HEMK2: variants seen among roughly 807,000 people sequenced by gnomAD.
HEMK2 encodes methyltransferase HEMK2.
chr21:28,658,901 C>T, the HEMK2 span, among the ~76,000 whole-genome samples: 6 of 152,046 alleles, frequency 3.9e-5, no homozygotes, highest in South Asian at 2.1e-4. Flanking sequence ...CGTCTGATCT[C>T]GATTCTGCCC....
the HEMK2 span, among the ~76,000 whole-genome samples, chr21:28,850,280 A>T: frequency 1.5e-5 from 2 of 130,888 alleles, no homozygotes; most frequent in African/African-American, 6.0e-5. Flanking sequence ...GCTGGAGTGC[A>T]GTGGCGCAAT....
the HEMK2 span, among the ~76,000 whole-genome samples, chr21:28,825,971 G>A: frequency 2.6e-5 from 4 of 152,240 alleles, no homozygotes; most frequent in East Asian, 1.9e-4. Flanking sequence ...GCTGGAAAAC[G>A]AGGCAGAGAG....
chr21:28,885,228 C>A, the HEMK2 span: 1 of 1,583,328 alleles, frequency 6.3e-7, no homozygotes, highest in Non-Finnish European at 8.6e-7. Context: ...AGTTCGGCAG[C>A]CGCTGCCTCC....
the HEMK2 span, among the ~76,000 whole-genome samples, chr21:28,709,144 T>C: frequency 6.9e-3 from 1,044 of 152,276 alleles, 33 homozygotes; most frequent in Admixed American, 0.052. Flanking sequence ...CCTAGTGACC[T>C]AATCGCCACC....
the HEMK2 span, among the ~76,000 whole-genome samples, chr21:28,833,215 CCA>C: frequency 6.6e-6 from 1 of 152,188 alleles, no homozygotes; most frequent in Non-Finnish European, 1.5e-5. Context: ...AGAAACAAAG[CCA>C]CTTATAGTTT....
the HEMK2 span, among the ~76,000 whole-genome samples, chr21:28,600,566 G>A: frequency 6.6e-6 from 1 of 152,164 alleles, no homozygotes. Context: ...GACATGCCCT[G>A]GAGACATTTC....
the HEMK2 span, among the ~76,000 whole-genome samples, chr21:28,771,649 C>A: frequency 6.6e-5 from 10 of 151,948 alleles, no homozygotes; most frequent in Admixed American, 6.6e-4. Context: ...GATTTTAATT[C>A]TCTGTGTCCA....
chr21:28,622,262 C>A, the HEMK2 span, among the ~76,000 whole-genome samples: 2 of 152,178 alleles, frequency 1.3e-5, no homozygotes, highest in African/African-American at 2.4e-5. Flanking sequence ...CCTAGGAATA[C>A]AACTTACAAC....
At chr21:28,614,490 A>G in the HEMK2 span, among the ~76,000 whole-genome samples, 2 of 152,194 alleles carry the variant, frequency 1.3e-5, no homozygotes. Context: ...AAAGCTTTCC[A>G]GAAGTTTTCA....
the HEMK2 span, among the ~76,000 whole-genome samples, chr21:28,579,761 T>C: frequency 6.6e-6 from 1 of 152,224 alleles, no homozygotes; most frequent in African/African-American, 2.4e-5. Context: ...CTGGATCCAA[T>C]TCCTTGCTCA....
the HEMK2 span, among the ~76,000 whole-genome samples, chr21:28,838,574 C>A: frequency 4.0e-4 from 60 of 151,030 alleles, no homozygotes; most frequent in African/African-American, 1.4e-3. Context: ...TACATACAGA[C>A]CAACATCCTT....
chr21:28,820,612 T>G, the HEMK2 span, among the ~76,000 whole-genome samples: 3 of 152,208 alleles, frequency 2.0e-5, no homozygotes, highest in African/African-American at 7.2e-5. Context: ...ATTGGAATAT[T>G]GGACAATCAC....
chr21:28,611,198 A>G, the HEMK2 span, among the ~76,000 whole-genome samples: 1 of 152,174 alleles, frequency 6.6e-6, no homozygotes, highest in Non-Finnish European at 1.5e-5. Flanking sequence ...TATAGCAAGT[A>G]CTCTCTCAGA....
chr21:28,754,322 A>AAC, the HEMK2 span, among the ~76,000 whole-genome samples: 1 of 152,350 alleles, frequency 6.6e-6, no homozygotes, highest in South Asian at 2.1e-4. Flanking sequence ...TGAACCAATC[A>AAC]ACAGGGGGGC....
the HEMK2 span, among the ~76,000 whole-genome samples, chr21:28,587,427 T>C: frequency 1.8e-3 from 279 of 152,354 alleles, 2 homozygotes; most frequent in African/African-American, 6.2e-3. Flanking sequence ...GATTAGTTCA[T>C]TGATCTACTC....
At chr21:28,839,927 G>A in the HEMK2 span, among the ~76,000 whole-genome samples, 1 of 152,048 alleles carries the variant, frequency 6.6e-6, no homozygotes, top group African/African-American at 2.4e-5. Flanking sequence ...CAAGCAAAAA[G>A]AACAAATCTG....
At chr21:28,831,526 GGAAA>G in the HEMK2 span, among the ~76,000 whole-genome samples, 3 of 34,808 alleles carry the variant, frequency 8.6e-5, no homozygotes, top group East Asian at 6.7e-4. Context: ...AAAGAAAGAA[GGAAA>G]GAAGGAAAGA....
At chr21:28,589,818 T>C in the HEMK2 span, among the ~76,000 whole-genome samples, 2 of 152,156 alleles carry the variant, frequency 1.3e-5, no homozygotes, top group African/African-American at 4.8e-5. Context: ...TTCCAAAATC[T>C]AAAAATTTTG....
chr21:28,622,617 A>T, the HEMK2 span, among the ~76,000 whole-genome samples: 18 of 152,256 alleles, frequency 1.2e-4, no homozygotes, highest in South Asian at 2.1e-4. Context: ...GCATGGTACT[A>T]GTACCAAAAC....
Sources: allele counts gnomAD v4.1 joint callset (sites outside exome capture counted in the v4.1 genomes callset), GRCh38; gene constraint gnomAD v4.1.1; transcripts MANE v1.5; gene names NCBI Gene and HGNC (gene_info 2026-07-23, HGNC 2026-07-21).